The following TLL1 variants were observed in gnomAD, a reference collection of about 807,000 sequenced individuals.
The protein encoded by TLL1 is tolloid-like protein 1.
Under a neutral mutation model 128.2 loss-of-function variants are expected in TLL1, and 49 were observed. The observed-to-expected ratio is 0.38, with a 90% confidence interval of 0.30 to 0.48. TLL1 has a LOEUF of 0.48. Ranked by LOEUF, TLL1 falls within the 20% of genes least tolerant of loss-of-function variation. The probability of loss-of-function intolerance (pLI) is 0.96; values close to 1 mark genes in which losing one functional copy is unlikely to be tolerated. For missense variants in TLL1, 1,123 were observed against 1,242.0 expected (o/e 0.90, Z 1.44); for synonymous variants, 454 against 418.8 (o/e 1.08, Z -1.03).
intron 12 of TLL1, chr4:166,053,089 A>G (rs1045781238): frequency 3.3e-5 from 5 of 151,280 alleles, no homozygotes; most frequent in African/African-American, 1.2e-4. Flanking sequence ...TTATTCCCAT[A>G]ATTGTACACT....
Position 166,034,076 on chromosome 4 carries a change from A to C in TLL1, c.1159-5263A>C, listed in dbSNP as rs980571774. ...TAAATTTAGCAATTACTATTAAATT[A>C]TTCTATTAAAATAGATGTATCTTTT... On this transcript the variant is annotated intron_variant, in intron 9 of 20. Transcript: ENST00000061240. 3.3e-5 allele frequency among the ~76,000 whole-genome samples: 5 copies of C among 152,188 alleles called. No individual in the cohort carries two copies. In the East Asian group the frequency reaches 5.8e-4, roughly 18 times the overall value.
At chr4:165,884,703 G>A (rs956993351) in intron 1 of TLL1, among the ~76,000 whole-genome samples, 26 of 152,194 alleles carry the variant, frequency 1.7e-4, no homozygotes, top group Non-Finnish European at 1.2e-4. Flanking sequence ...AGGCATGGTG[G>A]TGAGTATCTG....
intron 1 of TLL1, among the ~76,000 whole-genome samples, chr4:165,890,553 C>T (rs1320844293): frequency 6.6e-6 from 1 of 152,206 alleles, no homozygotes; most frequent in African/African-American, 2.4e-5. Context: ...CCCCATGCAA[C>T]TCTGGAATCA....
chr4:165,919,498 T>C (rs536127922), intron 1 of TLL1, among the ~76,000 whole-genome samples: 1 of 152,196 alleles, frequency 6.6e-6, no homozygotes, highest in East Asian at 1.9e-4. Flanking sequence ...TTTGTTGTTA[T>C]TTATAGACAA....
chr4:165,928,626 T>C (rs986296740), intron 1 of TLL1, among the ~76,000 whole-genome samples: 3 of 152,230 alleles, frequency 2.0e-5, no homozygotes, highest in South Asian at 2.1e-4. Context: ...AATATTCTTT[T>C]TGTATTGCTT....
intron 1 of TLL1, among the ~76,000 whole-genome samples, chr4:165,963,823 G>T (rs1177161337): frequency 6.6e-6 from 1 of 152,168 alleles, no homozygotes; most frequent in Non-Finnish European, 1.5e-5. Flanking sequence ...GCTCAGTATG[G>T]ACCTGATGAA....
At chr4:165,940,689 T>C (rs910976803) in intron 1 of TLL1, among the ~76,000 whole-genome samples, 1 of 152,102 alleles carries the variant, frequency 6.6e-6, no homozygotes, top group African/African-American at 2.4e-5. Flanking sequence ...CATGAGATTT[T>C]TTCCTCCTAG....
At chr4:166,094,315 A>G (rs1415154956) in intron 19 of TLL1, among the ~76,000 whole-genome samples, 1 of 152,186 alleles carries the variant, frequency 6.6e-6, no homozygotes, top group Non-Finnish European at 1.5e-5. Flanking sequence ...TGTACTTGCT[A>G]CTATAGTAAT....
At chr4:166,013,246 C>T (rs966422615) in intron 7 of TLL1, among the ~76,000 whole-genome samples, 2 of 151,788 alleles carry the variant, frequency 1.3e-5, no homozygotes, top group Non-Finnish European at 2.9e-5. Context: ...CTCGATAGTA[C>T]CTATTACTAC....
At chr4:166,087,373 C>A (rs2111153252) in intron 18 of TLL1, among the ~76,000 whole-genome samples, 1 of 152,214 alleles carries the variant, frequency 6.6e-6, no homozygotes, top group South Asian at 2.1e-4. Context: ...TTATAGAGGA[C>A]TCATGGAGAA....
chr4:165,903,060 C>T (rs117846454), intron 1 of TLL1, among the ~76,000 whole-genome samples: 3,038 of 152,116 alleles, frequency 0.02, 73 homozygotes, highest in East Asian at 0.1. Flanking sequence ...GACAATAGGC[C>T]GGGTGCGGTG....
At chr4:165,909,554 G>A (rs1732431159) in intron 1 of TLL1, among the ~76,000 whole-genome samples, 1 of 152,160 alleles carries the variant, frequency 6.6e-6, no homozygotes, top group South Asian at 2.1e-4. Context: ...GAACCAGTAA[G>A]GAGCCCGATA....
At chr4:166,088,017 G>A (rs1741602379) in intron 18 of TLL1, among the ~76,000 whole-genome samples, 2 of 152,104 alleles carry the variant, frequency 1.3e-5, no homozygotes, top group South Asian at 4.1e-4. Flanking sequence ...CATGGAATGA[G>A]TATGCTTTAA....
chr4:165,974,691 A>G (rs1034720201), intron 1 of TLL1, among the ~76,000 whole-genome samples: 2 of 152,204 alleles, frequency 1.3e-5, no homozygotes, highest in African/African-American at 4.8e-5. Flanking sequence ...ACAATTTACC[A>G]TCAGTACAAG....
At position 166,060,111 on chromosome 4, in the gene TLL1, T is replaced by A; in HGVS notation, c.1930T>A (p.Cys644Ser). ...CAAGGAGTACCCTCCTAATAAGAACTGTGTGTGGCAAGTGGTTGCACCAAC... is the reference window on the plus strand; with the variant it reads ...CAAGGAGTACCCTCCTAATAAGAACAGTGTGTGGCAAGTGGTTGCACCAAC... ...WPKEYPPNKN[C>S]VWQVVAPTQY... The change falls in exon 15 of 21, where the codon TGT (cysteine) becomes AGT (serine). Residue 644 changes from cysteine to serine, a missense_variant. By Grantham distance (112) the Cys-to-Ser change is moderately radical. Transcript: ENST00000061240. 6.2e-7 allele frequency: 1 copy of A among 1,613,864 alleles called. No individual in the cohort carries two copies. Among genetic ancestry groups the A allele is most frequent in the Non-Finnish European group, 8.5e-7 (1 of 1,179,892 alleles).
chr4:165,922,565 A>G (rs1466187885), intron 1 of TLL1, among the ~76,000 whole-genome samples: 1 of 152,186 alleles, frequency 6.6e-6, no homozygotes, highest in African/African-American at 2.4e-5. Context: ...ATTTATTCAG[A>G]CTTACAAGTC....
chr4:165,952,649 C>T lies in TLL1; in HGVS notation c.170-36732C>T, dbSNP rs544505449. 5.3e-5 allele frequency among the ~76,000 whole-genome samples: 8 copies of T among 152,068 alleles called. No homozygotes were observed. The South Asian group carries it at 1.7e-3, about 32-fold the overall frequency. On this transcript the variant is annotated intron_variant, in intron 1 of 20. Transcript: ENST00000061240. ...GTTATAGCCCCAGAATAGTGTACTC[C>T]TTCTAAGGACACCAACAGTTATTGT...
At chr4:165,956,256 G>C (rs923702302) in intron 1 of TLL1, among the ~76,000 whole-genome samples, 2 of 151,972 alleles carry the variant, frequency 1.3e-5, no homozygotes, top group Admixed American at 6.6e-5. Context: ...TAGAAAACAG[G>C]GTTCGAGAGC....
intron 1 of TLL1, among the ~76,000 whole-genome samples, chr4:165,929,727 T>C (rs1253118426): frequency 1.3e-5 from 2 of 152,204 alleles, no homozygotes; most frequent in East Asian, 3.9e-4. Context: ...CTTCTATTTC[T>C]AGCCTAGCAG....
Sources: gnomAD v4.1 joint callset for allele counts (sites outside exome capture counted in the v4.1 genomes callset) on GRCh38, gnomAD v4.1.1 for gene constraint, MANE v1.5 for transcripts, NCBI Gene and HGNC (gene_info 2026-07-23, HGNC 2026-07-21) for gene names.